Variants in GALK2 observed in about 807,000 individuals in gnomAD.
GALK2 encodes N-acetylgalactosamine kinase.
In GALK2, 36 loss-of-function variants were observed where a neutral mutation model predicts 52.4. The observed-to-expected ratio is 0.69, with a 90% CI of 0.53 to 0.91. The LOEUF (loss-of-function observed/expected upper bound fraction) is 0.91, where lower values mean the gene tolerates loss of function less well. Among genes scored for constraint, GALK2 ranks in the 40% least tolerant of loss-of-function variants. GALK2 has a pLI of 0.00. For missense variants in GALK2, 579 were observed against 559.1 expected (o/e 1.04, Z -0.36); for synonymous variants, 176 against 199.1 (o/e 0.88, Z 0.98).
intron 5 of GALK2, among the ~76,000 whole-genome samples, chr15:49,261,568 C>T (rs1012758409): frequency 2.0e-5 from 3 of 152,120 alleles, no homozygotes; most frequent in South Asian, 4.2e-4. Context: ...TTTCCTTCTC[C>T]TGCCTAATTG....
chr15:49,298,491 G>C (rs559167821), intron 8 of GALK2, among the ~76,000 whole-genome samples: 1 of 152,022 alleles, frequency 6.6e-6, no homozygotes, highest in Non-Finnish European at 1.5e-5. Flanking sequence ...GTTTTGTTCT[G>C]GTTCTCAGGG....
intron 3 of GALK2, chr15:49,366,773 G>A (rs374576157): frequency 1.6e-5 from 10 of 638,166 alleles, no homozygotes; most frequent in Admixed American, 9.6e-5. Context: ...CCTCCGTGGC[G>A]GGGGCGGCCG....
chr15:49,363,007 G>C (rs994520638), intron 3 of GALK2, among the ~76,000 whole-genome samples: 2 of 152,150 alleles, frequency 1.3e-5, no homozygotes, highest in African/African-American at 4.8e-5. Flanking sequence ...TCAGTGCCAT[G>C]CTGTTTTGGT....
chr15:49,205,042 A>G (rs878978649), intron 2 of GALK2, among the ~76,000 whole-genome samples: 2 of 152,076 alleles, frequency 1.3e-5, no homozygotes, highest in Non-Finnish European at 2.9e-5. Flanking sequence ...ATTCCTTTTT[A>G]TGGCTGCATA....
chr15:49,218,260 G>A (rs566092866), intron 3 of GALK2, among the ~76,000 whole-genome samples: 1 of 152,122 alleles, frequency 6.6e-6, no homozygotes, highest in African/African-American at 2.4e-5. Flanking sequence ...CATTTCGCAT[G>A]TTTGATAATA....
At chr15:49,359,479 C>T (rs1402619191) in intron 3 of GALK2, among the ~76,000 whole-genome samples, 4 of 119,024 alleles carry the variant, frequency 3.4e-5, no homozygotes, top group African/African-American at 1.3e-4. Context: ...CCAAAAAACA[C>T]ATGAAAAAAT....
chr15:49,227,680 T>C (rs906454675), intron 3 of GALK2, among the ~76,000 whole-genome samples: 3 of 152,128 alleles, frequency 2.0e-5, no homozygotes, highest in Non-Finnish European at 4.4e-5. Context: ...ATTTTGTTAA[T>C]TGACTTCTGG....
chr15:49,232,475 A>G (rs1380135794), intron 3 of GALK2, among the ~76,000 whole-genome samples: 1 of 152,244 alleles, frequency 6.6e-6, no homozygotes, highest in Non-Finnish European at 1.5e-5. Flanking sequence ...CTTGGCCATC[A>G]GCATTTGACT....
At position 49,186,664 on chromosome 15, in the gene GALK2, G is replaced by C. The variant is rs539743616; in HGVS notation, c.54-14498G>C. Among the ~76,000 whole-genome samples the C allele has an allele frequency of 8.8e-4, 133 of 150,702 alleles. 1 individual carries two copies. Among genetic ancestry groups the C allele is most frequent in the African/African-American group, 3.0e-3 (124 of 40,964 alleles). ...AAATGATTCTCCTGCCTCAACCTCC[G>C]AGTAGCTGGGACTACAGGTGTGCAC... On this transcript the variant is annotated intron_variant, in intron 1 of 9. Transcript: ENST00000560031.
chr15:49,193,970 C>T (rs1268420350), intron 1 of GALK2: 1 of 152,004 alleles, frequency 6.6e-6, no homozygotes, highest in African/African-American at 2.4e-5. Flanking sequence ...TCGTGATCCG[C>T]CCACGTCAGC....
At chr15:49,228,688 T>TA in intron 3 of GALK2, among the ~76,000 whole-genome samples, 105 of 10,288 alleles carry the variant, frequency 0.01, 1 homozygote, top group South Asian at 0.013. Context: ...TATATATATA[T>TA]TTTTTTTTTT....
chr15:49,307,000 A>G (rs1193516431), intron 8 of GALK2, among the ~76,000 whole-genome samples: 1 of 152,214 alleles, frequency 6.6e-6, no homozygotes, highest in Non-Finnish European at 1.5e-5. Flanking sequence ...GCCCTCCAGA[A>G]GCAGTATATG....
chr15:49,319,598 C>A lies in GALK2; in HGVS notation c.968-6C>A. The A allele has an allele frequency of 1.2e-6, 2 of 1,613,892 alleles. No individual in the cohort carries two copies. The highest frequency in any genetic ancestry group is 8.5e-7 in the Non-Finnish European group (1 of 1,179,812). On this transcript the variant is annotated splice_polypyrimidine_tract_variant and splice_region_variant and intron_variant, in intron 8 of 9. Coordinates refer to ENST00000560031, the MANE Select transcript of GALK2 (RefSeq NM_002044.4). ...AACCTCCTTCCCCATCCTCTTCCTT[C>A]CTCAGTGCTCATCTTCAAACTCTAT...
chr15:49,231,583 C>A (rs937956626), intron 3 of GALK2, among the ~76,000 whole-genome samples: 1 of 152,166 alleles, frequency 6.6e-6, no homozygotes, highest in African/African-American at 2.4e-5. Flanking sequence ...TCATCTGAGA[C>A]AAGGCAAGTC....
chr15:49,322,969 A>G (rs917035539), intron 9 of GALK2, among the ~76,000 whole-genome samples: 4 of 151,410 alleles, frequency 2.6e-5, no homozygotes. Context: ...GTAAAAAAAA[A>G]AAAAAAAGAA....
At chr15:49,195,207 G>A (rs934943015) in intron 1 of GALK2, 18 of 407,356 alleles carry the variant, frequency 4.4e-5, no homozygotes, top group Non-Finnish European at 7.3e-5. Context: ...GAGTAGCTGG[G>A]ATTACAGGTG....
At chr15:49,309,781 C>T (rs112074680) in intron 8 of GALK2, among the ~76,000 whole-genome samples, 25,885 of 151,818 alleles carry the variant, frequency 0.17, 2,477 homozygotes, top group Non-Finnish European at 0.21. Flanking sequence ...CCACGACGCC[C>T]GGCTAATTTT....
At position 49,342,539 on chromosome 15, in the gene GALK2, ATAAT is replaced by A. The variant is rs534431226; in HGVS notation, c.426+22739_426+22742del. On this transcript the variant is annotated intron_variant, in intron 3 of 3. Transcript: ENST00000558399. The stretch of plus-strand genomic sequence containing the variant: ...ATTTAGACTGTTTACATTCAAGGTT[ATAAT>A]TAATATGTGAGGCTTTGGTGCTATC... Among the ~76,000 whole-genome samples, 10 of 152,288 alleles carry A rather than the reference ATAAT, an allele frequency of 6.6e-5. No homozygotes were observed. In the East Asian group the frequency reaches 1.9e-3, roughly 29 times the overall value.
At chr15:49,242,341 G>A (rs1455971737) in intron 5 of GALK2, among the ~76,000 whole-genome samples, 1 of 152,126 alleles carries the variant, frequency 6.6e-6, no homozygotes, top group African/African-American at 2.4e-5. Context: ...TAGGAGCTGT[G>A]GATATAGAGT....
Sources: gnomAD v4.1 joint callset for allele counts (sites outside exome capture counted in the v4.1 genomes callset) on GRCh38, gnomAD v4.1.1 for gene constraint, MANE v1.5 for transcripts, NCBI Gene and HGNC (gene_info 2026-07-23, HGNC 2026-07-21) for gene names.